Variants in KAT6B observed in about 807,000 individuals in gnomAD.
KAT6B encodes histone acetyltransferase KAT6B.
In KAT6B, 10 loss-of-function variants were observed where a neutral mutation model predicts 187.5. That is an observed-to-expected ratio of 0.05 (90% CI 0.03 to 0.09). The LOEUF is 0.09. Ranked by LOEUF, KAT6B falls within the 10% of genes least tolerant of loss-of-function variation. The pLI is 1.00. For missense variants in KAT6B, 1,952 were observed against 2,558.9 expected, an observed-to-expected ratio of 0.76 and a Z score of 5.12; for synonymous variants, 861 against 926.8, an observed-to-expected ratio of 0.93 and a Z score of 1.29.
chr10:75,020,682 C>T lies in KAT6B; in HGVS notation c.2730C>T (p.Ile910=), dbSNP rs1845330653. The change falls in exon 14 of 18, where the codon ATC becomes ATT. Residue 910 remains isoleucine, a synonymous_variant. Transcript: ENST00000287239. ...LSYLAYWKSV[I]LEYLYHHHER... The stretch of plus-strand genomic sequence containing the variant: ...ACCTGGCATATTGGAAGAGCGTCAT[C>T]TTGGAGTATCTCTACCACCACCATG... 1 of 1,613,200 alleles carries T rather than the reference C, an allele frequency of 6.2e-7. No individual in the cohort carries two copies. Among genetic ancestry groups the T allele is most frequent in the Non-Finnish European group, 8.5e-7 (1 of 1,179,662 alleles).
Position 75,029,324 on chromosome 10 carries a change from C to G in KAT6B, c.4500C>G (p.Pro1500=). ...KELAGDPEAV[P]ESDEEPPPGE... ...TTGCTGGGGACCCTGAAGCTGTACC[C>G]GAATCTGACGAGGAGCCACCCCCAG... is the stretch of plus-strand genomic sequence containing the variant. The change falls in exon 18 of 18, where the codon CCC becomes CCG. Residue 1500 remains proline (P), a synonymous_variant. Transcript: ENST00000287239. The surrounding 1 kb of genome is among the most constrained non-coding windows in gnomAD (Gnocchi z 6.2). 3 of 1,613,952 alleles carry G rather than the reference C, an allele frequency of 1.9e-6. No individual in the cohort carries two copies. The highest frequency in any genetic ancestry group is 2.5e-6 in the Non-Finnish European group (3 of 1,179,996).
chr10:75,023,865 A>AAAT (rs757658732), intron 16 of KAT6B: 17 of 152,094 alleles, frequency 1.1e-4, no homozygotes, highest in South Asian at 6.2e-4. Context: ...AGTATTTTTA[A>AAAT]AATAATAATA....
At chr10:74,890,933 T>G (rs565602240) in intron 3 of KAT6B, among the ~76,000 whole-genome samples, 1 of 152,372 alleles carries the variant, frequency 6.6e-6, no homozygotes, top group East Asian at 1.9e-4. Flanking sequence ...ACAAACTTTG[T>G]TTTTACTCTC....
intron 1 of KAT6B, among the ~76,000 whole-genome samples, chr10:74,834,628 C>A (rs775809390): frequency 2.0e-5 from 3 of 152,166 alleles, no homozygotes; most frequent in Admixed American, 6.5e-5. Flanking sequence ...CTCAAGAGAT[C>A]CTCTTGCCTC....
intron 3 of KAT6B, among the ~76,000 whole-genome samples, chr10:74,944,808 C>CAAAAAAAAA (rs58164194): frequency 1.2e-4 from 4 of 32,898 alleles, no homozygotes; most frequent in Non-Finnish European, 1.3e-4. Context: ...GACTCCGTCT[C>CAAAAAAAAA]AAAAAAAAAA....
intron 13 of KAT6B, among the ~76,000 whole-genome samples, chr10:75,008,858 A>G (rs142815078): frequency 3.3e-5 from 5 of 152,246 alleles, no homozygotes; most frequent in African/African-American, 1.2e-4. Context: ...CTCCCTGCCA[A>G]TTTTTCATAA....
chr10:74,989,675 T>C (rs1589763602), intron 13 of KAT6B, among the ~76,000 whole-genome samples: 1 of 152,314 alleles, frequency 6.6e-6, no homozygotes, highest in East Asian at 1.9e-4. Context: ...ATATTTATCT[T>C]ATATGCACTC....
intron 13 of KAT6B, among the ~76,000 whole-genome samples, chr10:75,002,277 A>C (rs1843890636): frequency 6.6e-6 from 1 of 152,074 alleles, no homozygotes; most frequent in African/African-American, 2.4e-5. Flanking sequence ...CAGGCCCCAC[A>C]AACAAGCCTC....
intron 3 of KAT6B, among the ~76,000 whole-genome samples, chr10:74,876,234 G>A (rs779045446): frequency 2.6e-5 from 4 of 152,014 alleles, no homozygotes; most frequent in African/African-American, 4.8e-5. Context: ...ACCCCTGCCG[G>A]CTTTTAAACT....
At chr10:74,985,350 G>A in intron 12 of KAT6B, 109 bp downstream of exon 12, 1 of 1,131,970 alleles carries the variant, frequency 8.8e-7, no homozygotes, top group Non-Finnish European at 1.3e-6. Flanking sequence ...TAAGTGACAT[G>A]TGTTTTTGAA....
At chr10:74,975,295 A>T (rs1842079914) in intron 7 of KAT6B, 104 bp from the exon 8 acceptor site, 1 of 919,796 alleles carries the variant, frequency 1.1e-6, no homozygotes, top group Admixed American at 2.0e-5. Context: ...ACAGTTCTTA[A>T]GTTTAAGCCC....
chr10:74,987,119 A>T (rs1020839077), intron 12 of KAT6B, among the ~76,000 whole-genome samples: 3 of 152,208 alleles, frequency 2.0e-5, no homozygotes, highest in Non-Finnish European at 4.4e-5. Context: ...AACAAAAATT[A>T]ATCTAAAAAA....
chr10:74,894,172 G>T (rs1181701733), intron 3 of KAT6B, among the ~76,000 whole-genome samples: 1 of 151,334 alleles, frequency 6.6e-6, no homozygotes, highest in African/African-American at 2.4e-5. Flanking sequence ...AACTTCGCTT[G>T]CCGGGTTCAA....
At chr10:74,837,031 T>C (rs1296750247) in intron 1 of KAT6B, among the ~76,000 whole-genome samples, 1 of 152,258 alleles carries the variant, frequency 6.6e-6, no homozygotes, top group African/African-American at 2.4e-5. Context: ...TTGAGTGTTA[T>C]GACATTGATT....
At chr10:74,832,214 G>C (rs914610390) in intron 1 of KAT6B, among the ~76,000 whole-genome samples, 24 of 152,268 alleles carry the variant, frequency 1.6e-4, no homozygotes, top group Non-Finnish European at 2.4e-4. Context: ...ACTCTCAAAA[G>C]GGAACCTGAA....
chr10:74,833,013 T>C (rs932829098), intron 1 of KAT6B, among the ~76,000 whole-genome samples: 2 of 150,938 alleles, frequency 1.3e-5, no homozygotes, highest in Non-Finnish European at 2.9e-5. Flanking sequence ...CATGTGCCTG[T>C]AATCCCAGCT....
At chr10:74,884,643 A>T (rs960786313) in intron 3 of KAT6B, among the ~76,000 whole-genome samples, 1 of 151,942 alleles carries the variant, frequency 6.6e-6, no homozygotes, top group Non-Finnish European at 1.5e-5. Context: ...ATCTGGGCTC[A>T]CTGCAACACC....
In KAT6B at chr10:75,020,811, C is replaced by A. The variant is rs1845343811; in HGVS notation, c.2859C>A (p.Gly953=). ...QHLHMIDKRD[G]RFVIIRREKL... The stretch of plus-strand genomic sequence containing the variant: ...TCCACATGATCGACAAGAGAGATGG[C>A]AGGTGAGTCCTGGGACCCTGGGCAG... Residue 953 remains glycine (G), a splice_region_variant and synonymous_variant, in exon 14 of 18, where the codon GGC becomes GGA. Coordinates refer to ENST00000287239, the MANE Select transcript of KAT6B (RefSeq NM_012330.4). The A allele has an allele frequency of 6.2e-7, 1 of 1,613,488 alleles. No individual in the cohort carries two copies. Among genetic ancestry groups the A allele is most frequent in the African/African-American group, 1.3e-5 (1 of 75,062 alleles).
chr10:74,845,746 T>A (rs996778848), intron 3 of KAT6B, among the ~76,000 whole-genome samples: 1 of 150,918 alleles, frequency 6.6e-6, no homozygotes, highest in Non-Finnish European at 1.5e-5. Context: ...ACATGCATGT[T>A]AGGAAAAGTT....
Sources: gnomAD v4.1 joint callset for allele counts (sites outside exome capture counted in the v4.1 genomes callset) on GRCh38, gnomAD v4.1.1 for gene constraint, Gnocchi (gnomAD v3.1) non-coding constraint, MANE v1.5 for transcripts, NCBI Gene and HGNC (gene_info 2026-07-23, HGNC 2026-07-21) for gene names.